Variants in ACADM observed in about 807,000 individuals in gnomAD.
ACADM encodes medium-chain specific acyl-CoA dehydrogenase, mitochondrial.
ACADM carries 49 observed loss-of-function variants against 58.9 expected under a neutral mutation model. The observed-to-expected ratio is 0.83, with a 90% CI of 0.66 to 1.06. ACADM has a LOEUF of 1.06. Among genes scored for constraint, ACADM ranks in the 50% least tolerant of loss-of-function variants. The probability of loss-of-function intolerance (pLI) is 0.00; values close to 1 mark genes in which losing one functional copy is unlikely to be tolerated. For synonymous variants in ACADM, 160 were observed against 157.7 expected, an observed-to-expected ratio of 1.01 and a Z score of -0.11; for missense variants, 496 against 507.0, an observed-to-expected ratio of 0.98 and a Z score of 0.21.
intron 10 of ACADM, among the ~76,000 whole-genome samples, chr1:75,758,620 A>G (rs183211100): frequency 5.7e-5 from 8 of 140,528 alleles, no homozygotes; most frequent in South Asian, 2.7e-4. Flanking sequence ...TGCACTAATC[A>G]GCACTCTCTG....
At chr1:75,732,603 T>A in intron 2 of ACADM, 41 bp from the exon 3 acceptor site, 1 of 1,472,918 alleles carries the variant, frequency 6.8e-7, no homozygotes. Context: ...ACATTTTTCC[T>A]TGTTATCCAG....
At chr1:75,743,602 A>T in intron 7 of ACADM, 3 of 1,567,224 alleles carry the variant, frequency 1.9e-6, no homozygotes, top group Non-Finnish European at 2.6e-6. Flanking sequence ...CATCCCCAGG[A>T]TGGCAGACAG....
In ACADM at chr1:75,724,784, C is replaced by G; in HGVS notation, c.-4C>G. On this transcript the variant is annotated 5_prime_UTR_variant, in exon 1 of 12. Transcript: ENST00000370841. ...TTGTCCGAGTGGCCGGAACGGGAGC[C>G]AACATGGCAGCGGGGTTCGGGCGAT... 1 of 1,523,908 alleles carries G rather than the reference C, an allele frequency of 6.6e-7. No homozygotes were observed. Among genetic ancestry groups the G allele is most frequent in the Non-Finnish European group, 8.8e-7 (1 of 1,134,656 alleles). The allele number at this position is 1,523,908 out of a possible 1,614,324, so 94.4% of individuals were successfully genotyped here.
At chr1:75,760,431 AAAAG>A (rs1230802981) in intron 10 of ACADM, among the ~76,000 whole-genome samples, 2 of 140,840 alleles carry the variant, frequency 1.4e-5, no homozygotes, top group Non-Finnish European at 3.0e-5. Context: ...CAGAAAAAAA[AAAAG>A]AAAAGTCCCA....
intron 10 of ACADM, 134 bp downstream of exon 10, chr1:75,750,680 T>C (rs1480297113): frequency 2.7e-6 from 2 of 734,476 alleles, no homozygotes; most frequent in South Asian, 3.0e-5. Context: ...TTTATCAAGA[T>C]GAGTTTCAAA....
intron 2 of ACADM, among the ~76,000 whole-genome samples, chr1:75,731,076 G>A (rs951364316): frequency 6.6e-6 from 1 of 151,490 alleles, no homozygotes; most frequent in Admixed American, 6.6e-5. Flanking sequence ...CACGAGGTCA[G>A]AAGATCGAGA....
intron 11 of ACADM, 152 bp from the exon 12 acceptor site, chr1:75,762,540 A>G: frequency 2.4e-6 from 1 of 422,046 alleles, no homozygotes; most frequent in Non-Finnish European, 4.4e-6. Flanking sequence ...TCACAAAATC[A>G]GGTTTTGGAA....
chr1:75,741,738 A>G (rs1647578298), intron 7 of ACADM, among the ~76,000 whole-genome samples: 1 of 152,250 alleles, frequency 6.6e-6, no homozygotes, highest in Non-Finnish European at 1.5e-5. Context: ...ATGAGTGGTA[A>G]TGTATTGGTT....
In ACADM at chr1:75,732,886, C is replaced by T. The variant is rs762114560; in HGVS notation, c.250C>T (p.Leu84Phe). The change falls in exon 4 of 12, where the codon CTT becomes TTT. Residue 84 changes from leucine (L) to phenylalanine (F), a missense_variant. Leu to Phe is a conservative substitution (Grantham distance 22). Coordinates refer to ENST00000370841, the MANE Select transcript of ACADM (RefSeq NM_000016.6). ...PVPLIRRAWE[L>F]GLMNTHIPEN... ...CCCCCTAATTAGAAGAGCCTGGGAA[C>T]TTGGTTTAATGAACACACACATTCC... The T allele has an allele frequency of 1.0e-4, 163 of 1,613,818 alleles. No individual in the cohort carries two copies. The highest frequency in any genetic ancestry group is 1.3e-4 in the Non-Finnish European group (150 of 1,179,878).
intron 8 of ACADM, among the ~76,000 whole-genome samples, chr1:75,748,602 T>C (rs948834939): frequency 6.6e-6 from 1 of 152,210 alleles, no homozygotes; most frequent in Non-Finnish European, 1.5e-5. Flanking sequence ...AGCACTATAC[T>C]AAGTGAAAAG....
intron 1 of ACADM, among the ~76,000 whole-genome samples, chr1:75,726,727 T>G (rs1285284223): frequency 5.3e-4 from 81 of 152,004 alleles, no homozygotes; most frequent in Admixed American, 5.3e-3. Context: ...AATTAACCTG[T>G]GTAACGCGAC....
At chr1:75,734,965 T>C in intron 6 of ACADM, 94 bp downstream of exon 6, 1 of 964,534 alleles carries the variant, frequency 1.0e-6, no homozygotes, top group Non-Finnish European at 1.6e-6. Flanking sequence ...ATTGGGATAT[T>C]TAGCATTGAA....
intron 7 of ACADM, chr1:75,744,381 T>TC: frequency 6.4e-7 from 1 of 1,550,638 alleles, no homozygotes; most frequent in Non-Finnish European, 8.9e-7. Context: ...CTTCGACTTT[T>TC]CCCCCATCAG....
intron 7 of ACADM, among the ~76,000 whole-genome samples, chr1:75,740,568 A>G (rs1340646274): frequency 6.6e-6 from 1 of 152,176 alleles, no homozygotes; most frequent in African/African-American, 2.4e-5. Flanking sequence ...AAAATCTGAA[A>G]TTTTCTAATA....
intron 10 of ACADM, among the ~76,000 whole-genome samples, chr1:75,755,605 T>G (rs1452029720): frequency 6.6e-6 from 1 of 152,172 alleles, no homozygotes; most frequent in Non-Finnish European, 1.5e-5. Context: ...AAACCGCATC[T>G]GTACGTCACC....
At chr1:75,748,984 T>TGAAGC in intron 8 of ACADM, among the ~76,000 whole-genome samples, 1 of 152,232 alleles carries the variant, frequency 6.6e-6, no homozygotes, top group African/African-American at 2.4e-5. Flanking sequence ...CAGATTGTGT[T>TGAAGC]TACTAAATGT....
chr1:75,727,980 G>T (rs1030207553), intron 1 of ACADM, among the ~76,000 whole-genome samples: 1 of 152,144 alleles, frequency 6.6e-6, no homozygotes, highest in Non-Finnish European at 1.5e-5. Context: ...CAGTGACAGG[G>T]TATCAAAGTT....
Position 75,729,779 on chromosome 1 carries a change from C to T in ACADM, c.118+1291C>T, listed in dbSNP as rs1458156193. On this transcript the variant is annotated intron_variant, in intron 2 of 11. Transcript: ENST00000370841. ...AAAGTGCTGGGATTACAGGCATGAA[C>T]CACTGTGCCCAACCTAAATGAAAAT... Among the ~76,000 whole-genome samples, 4 of 151,694 alleles carry T rather than the reference C, an allele frequency of 2.6e-5. No homozygotes were observed. The South Asian group carries it at 8.3e-4, about 32-fold the overall frequency.
Position 75,734,791 on chromosome 1 carries a change from C to A in ACADM, c.388C>A (p.Gln130Lys). 2 of 1,611,446 alleles carry A rather than the reference C, an allele frequency of 1.2e-6. No homozygotes were observed. The highest frequency in any genetic ancestry group is 2.2e-5 in the South Asian group (2 of 90,956). Residue 130 changes from glutamine to lysine, a missense_variant and splice_region_variant, in exon 6 of 12, where the codon CAA becomes AAA. Physicochemically the swap from Gln to Lys is moderately conservative, Grantham distance 53 (BLOSUM62 1). Coordinates refer to ENST00000370841, the MANE Select transcript of ACADM (RefSeq NM_000016.6). ...QTAIEGNSLG[Q>K]MPIIIAGNDQ... is the part of the protein sequence containing the mutation. ...TTTTAATGTCAATTTTCTTCGGTAGCAAATGCCTATTATTATTGCTGGAAA... is the reference window on the plus strand; with the variant it reads ...TTTTAATGTCAATTTTCTTCGGTAGAAAATGCCTATTATTATTGCTGGAAA...
Sources: allele counts gnomAD v4.1 joint callset (sites outside exome capture counted in the v4.1 genomes callset), GRCh38; gene constraint gnomAD v4.1.1; transcripts MANE v1.5; gene names NCBI Gene and HGNC (gene_info 2026-07-23, HGNC 2026-07-21).